Variants in SNX17 observed in about 807,000 individuals in gnomAD.
The protein encoded by SNX17 is sorting nexin-17.
In SNX17, 35 loss-of-function variants were observed where a neutral mutation model predicts 64.3. The observed-to-expected ratio is 0.54, with a 90% CI of 0.42 to 0.72. SNX17 has a LOEUF of 0.72. SNX17 is among the 30% of genes least tolerant of loss of function. SNX17 has a pLI of 0.00. For synonymous variants in SNX17, 259 were observed against 230.2 expected (o/e 1.13, Z -1.13); for missense variants, 538 against 610.0 (o/e 0.88, Z 1.24).
intron 3 of SNX17, 81 bp from the exon 4 acceptor site, chr2:27,373,166 C>T (rs907264343): frequency 8.1e-6 from 13 of 1,607,944 alleles, no homozygotes; most frequent in South Asian, 4.4e-5. Flanking sequence ...GAAATGGGGT[C>T]GGGGGAACCT....
rs4665972 is a variant in SNX17, at chr2:27,375,230, T to C, written c.774+77T>C. The C allele has an allele frequency of 0.62, 820,703 of 1,324,074 alleles. 261,075 individuals are homozygous for C. The highest frequency in any genetic ancestry group is 0.91 in the African/African-American group (63,299 of 69,222). 82.0% of individuals were successfully genotyped at this position (1,324,074 alleles called of 1,614,324 possible). A position where few individuals can be genotyped will look rare whatever the true frequency, so the allele number is the denominator to read the frequency against. On this transcript the variant is annotated intron_variant, in intron 9 of 14. Coordinates refer to ENST00000233575, the MANE Select transcript of SNX17 (RefSeq NM_014748.4). The surrounding 1 kb of genome is among the most constrained non-coding windows in gnomAD (Gnocchi z 4.1). ...CTTGGCTCACTGCAAGCTCTGCCTC[T>C]CAGATTCATGCCATTCTCCCGCCTC...
In SNX17 at chr2:27,377,490, A is replaced by AG; in HGVS notation, c.*772dup. The AG allele has an allele frequency of 4.4e-6, 7 of 1,587,698 alleles. No homozygotes were observed. The highest frequency in any genetic ancestry group is 6.0e-6 in the Non-Finnish European group (7 of 1,158,268). ...GTGTGGAGCCCCTGGCCAGCGGGGG[A>AG]GAAAAAGGTGGCTTCTGGTCCGTCT... On this transcript the variant is annotated 3_prime_UTR_variant, in exon 15 of 15. Coordinates refer to ENST00000233575, the MANE Select transcript of SNX17 (RefSeq NM_014748.4). This position sits in a 1 kb window ranked among gnomAD's most constrained non-coding sequence, Gnocchi z 4.4.
chr2:27,377,291 A>T lies in SNX17; in HGVS notation c.*572A>T, dbSNP rs916987949. ...GAAATAAGTTAAATAAACAGGTGGG[A>T]GGCTGGGCAGTCCCCCAGCCGGTTT... On this transcript the variant is annotated 3_prime_UTR_variant, in exon 15 of 15. Coordinates refer to ENST00000233575, the MANE Select transcript of SNX17 (RefSeq NM_014748.4). This position sits in a 1 kb window ranked among gnomAD's most constrained non-coding sequence, Gnocchi z 4.4. The T allele has an allele frequency of 1.6e-5, 10 of 637,648 alleles. No homozygotes were observed. The highest frequency in any genetic ancestry group is 1.2e-4 in the South Asian group (7 of 58,424). 39.5% of individuals were successfully genotyped at this position (637,648 alleles called of 1,614,324 possible). A position where few individuals can be genotyped will look rare whatever the true frequency, so the allele number is the denominator to read the frequency against.
At chr2:27,374,007 T>G in intron 5 of SNX17, 36 bp downstream of exon 5, 1 of 1,605,056 alleles carries the variant, frequency 6.2e-7, no homozygotes, top group South Asian at 1.1e-5. Context: ...CTTCTTCCCC[T>G]ACATCCTGGG....
chr2:27,374,493 G>A (rs1682965941), intron 7 of SNX17, 60 bp downstream of exon 7: 2 of 1,475,522 alleles, frequency 1.4e-6, no homozygotes, highest in Admixed American at 3.4e-5. Flanking sequence ...GGATTATTGG[G>A]CCACATATTG....
intron 8 of SNX17, 122 bp from the exon 9 acceptor site, chr2:27,374,939 T>G (rs1392640763): frequency 2.7e-6 from 1 of 367,178 alleles, no homozygotes; most frequent in Non-Finnish European, 4.1e-6. Flanking sequence ...GATCAAGGAC[T>G]TACTGCAGAG....
In SNX17 at chr2:27,375,601, G is replaced by A. The variant is rs1683114489; in HGVS notation, c.870G>A (p.Val290=). ...DFPEKDCPVV[V]SAGNSELSLQ... ...CAGAAAAGGACTGTCCTGTGGTGGT[G>A]AGCGCGGGCAACAGTGAGCTCAGCC... Residue 290 remains valine (V), a synonymous_variant, in exon 10 of 15, where the codon GTG becomes GTA. Coordinates refer to ENST00000233575, the MANE Select transcript of SNX17 (RefSeq NM_014748.4). The surrounding 1 kb of genome is among the most constrained non-coding windows in gnomAD (Gnocchi z 4.1). 1 of 1,614,236 alleles carries A rather than the reference G, an allele frequency of 6.2e-7. No homozygotes were observed. Among genetic ancestry groups the A allele is most frequent in the South Asian group, 1.1e-5 (1 of 91,086 alleles).
intron 3 of SNX17, 26 bp downstream of exon 3, chr2:27,372,766 G>A (rs769265755): frequency 1.5e-5 from 24 of 1,613,756 alleles, no homozygotes; most frequent in Non-Finnish European, 1.7e-6. Context: ...AAACTAGGTT[G>A]ACTATATTGA....
rs907317622 is a variant in SNX17, at chr2:27,375,199, C to T, written c.774+46C>T. 26 of 1,543,252 alleles carry T rather than the reference C, an allele frequency of 1.7e-5. No homozygotes were observed. Among genetic ancestry groups the T allele is most frequent in the African/African-American group, 6.8e-5 (5 of 73,572 alleles). On this transcript the variant is annotated intron_variant, in intron 9 of 14. Transcript: ENST00000233575. This position sits in a 1 kb window ranked among gnomAD's most constrained non-coding sequence, Gnocchi z 4.1. ...GTCTTCCTCTAAGGGCTTGCAGTGGCGCGATCTTGGCTCACTGCAAGCTCT... is the reference window on the plus strand; with the variant it reads ...GTCTTCCTCTAAGGGCTTGCAGTGGTGCGATCTTGGCTCACTGCAAGCTCT...
At chr2:27,374,832 T>C in intron 8 of SNX17, 74 bp downstream of exon 8, 2 of 1,412,036 alleles carry the variant, frequency 1.4e-6, no homozygotes, top group Non-Finnish European at 2.0e-6. Context: ...AGAAAACTGC[T>C]GTCGTGTCTT....
chr2:27,375,839 C>T lies in SNX17; in HGVS notation c.979-7C>T, dbSNP rs1171742265. 7 of 1,613,534 alleles carry T rather than the reference C, an allele frequency of 4.3e-6. No individual in the cohort carries two copies. Among genetic ancestry groups the T allele is most frequent in the Non-Finnish European group, 5.9e-6 (7 of 1,179,802 alleles). On this transcript the variant is annotated splice_region_variant and splice_polypyrimidine_tract_variant and intron_variant, in intron 10 of 14. Transcript: ENST00000233575. This position sits in a 1 kb window ranked among gnomAD's most constrained non-coding sequence, Gnocchi z 4.1. ...TGAACTCAACCGAATTCCCCTTCCT[C>T]TCCCAGGTACCATTGCCCAGTGGAA...
intron 4 of SNX17, chr2:27,373,589 C>T (rs1428327589): frequency 1.8e-6 from 1 of 544,510 alleles, no homozygotes; most frequent in Non-Finnish European, 3.3e-6. Context: ...TCTCGAACTC[C>T]TGACCTCAGG....
chr2:27,376,251 GCTTGT>G (rs959590380), intron 12 of SNX17, 57 bp from the exon 13 acceptor site: 26 of 1,612,886 alleles, frequency 1.6e-5, no homozygotes, highest in South Asian at 2.2e-5. Context: ...TAGATGTGAG[GCTTGT>G]CTTGAGAGGG....
At position 27,370,740 on chromosome 2, in the gene SNX17, G is replaced by A; in HGVS notation, c.-4G>A. 6.5e-7 allele frequency: 1 copy of A among 1,549,254 alleles called. No individual in the cohort carries two copies. The highest frequency in any genetic ancestry group is 1.7e-4 in the Middle Eastern group (1 of 5,756). On this transcript the variant is annotated 5_prime_UTR_variant, in exon 1 of 15. Transcript: ENST00000233575. The stretch of plus-strand genomic sequence containing the variant: ...GAGCCCGGCCGTGCCGTGCCGTAGG[G>A]AACATGCACTTTTCCATTCCCGAAA...
intron 7 of SNX17, 62 bp from the exon 8 acceptor site, chr2:27,374,627 T>C: frequency 6.5e-7 from 1 of 1,533,242 alleles, no homozygotes; most frequent in East Asian, 2.3e-5. Context: ...CCATTTTCCA[T>C]TCTACCTCTT....
intron 7 of SNX17, 35 bp downstream of exon 7, chr2:27,374,468 G>A (rs1387581603): frequency 1.7e-5 from 26 of 1,562,656 alleles, no homozygotes; most frequent in Non-Finnish European, 2.2e-5. Context: ...GGGGTGGGAG[G>A]TGCTGTGCTG....
chr2:27,374,322 CA>C (rs1363626071), intron 6 of SNX17, 23 bp from the exon 7 acceptor site: 9 of 1,525,506 alleles, frequency 5.9e-6, no homozygotes, highest in African/African-American at 4.2e-5. Flanking sequence ...ACTATATTTT[CA>C]TTTTTTTTTT....
At chr2:27,376,252 C>T in intron 12 of SNX17, 61 bp from the exon 13 acceptor site, 1 of 1,612,484 alleles carries the variant, frequency 6.2e-7, no homozygotes, top group East Asian at 2.2e-5. Context: ...AGATGTGAGG[C>T]TTGTCTTGAG....
intron 2 of SNX17, chr2:27,371,727 C>G: frequency 5.6e-6 from 1 of 178,654 alleles, no homozygotes; most frequent in Admixed American, 5.6e-5. Context: ...TCACCGATTT[C>G]CTTTTGTGTT....
Sources: allele counts gnomAD v4.1 joint callset, GRCh38; gene constraint gnomAD v4.1.1; non-coding constraint Gnocchi (gnomAD v3.1); transcripts MANE v1.5; gene names NCBI Gene and HGNC (gene_info 2026-07-23, HGNC 2026-07-21).